The following ZMYM4 variants were observed in gnomAD, a reference collection of about 807,000 sequenced individuals.
The protein encoded by ZMYM4 is zinc finger MYM-type containing 4.
In ZMYM4, 31 loss-of-function variants were observed where a neutral mutation model predicts 183.2. The observed-to-expected ratio is 0.17, with a 90% confidence interval of 0.13 to 0.23. The LOEUF (loss-of-function observed/expected upper bound fraction) is 0.23, where lower values mean the gene tolerates loss of function less well. Among genes scored for constraint, ZMYM4 ranks in the 10% least tolerant of loss-of-function variants. The probability of loss-of-function intolerance (pLI) is 1.00; values close to 1 mark genes in which losing one functional copy is unlikely to be tolerated. For missense variants in ZMYM4, 1,273 were observed against 1,840.3 expected (o/e 0.69, Z 5.64); for synonymous variants, 592 against 631.2 (o/e 0.94, Z 0.93).
intron 2 of ZMYM4, among the ~76,000 whole-genome samples, chr1:35,348,758 C>T (rs761679428): frequency 1.2e-4 from 18 of 152,120 alleles, no homozygotes; most frequent in Non-Finnish European, 1.8e-4. Context: ...GTGTTTGTTC[C>T]CAAACTTTAT....
chr1:35,324,082 C>CT (rs144232828), intron 1 of ZMYM4, among the ~76,000 whole-genome samples: 433 of 151,080 alleles, frequency 2.9e-3, no homozygotes, highest in Non-Finnish European at 4.7e-3. Context: ...AGGATGTATC[C>CT]TTTTTTTTTG....
Position 35,381,141 on chromosome 1 carries a change from T to C in ZMYM4, c.1182-118T>C. On this transcript the variant is annotated intron_variant, in intron 7 of 29. Coordinates refer to ENST00000314607, the MANE Select transcript of ZMYM4 (RefSeq NM_005095.3). Reference sequence around the variant, plus strand: ...GAAAATTAAAGTTTTTAAACTTAAATTCCAGTGTTATTTCCCTACAGTATA... The same window carrying C: ...GAAAATTAAAGTTTTTAAACTTAAACTCCAGTGTTATTTCCCTACAGTATA... 3 of 811,062 alleles carry C rather than the reference T, an allele frequency of 3.7e-6. No individual in the cohort carries two copies. The South Asian group carries it at 9.2e-5, about 25-fold the overall frequency. The allele number at this position is 811,062 out of a possible 1,614,324, so 50.2% of individuals were successfully genotyped here. A position where few individuals can be genotyped will look rare whatever the true frequency, so the allele number is the denominator to read the frequency against.
chr1:35,381,260 G>T lies in ZMYM4; in HGVS notation c.1183G>T (p.Asp395Tyr). The T allele has an allele frequency of 6.4e-7, 1 of 1,568,346 alleles. No homozygotes were observed. The highest frequency in any genetic ancestry group is 1.2e-5 in the South Asian group (1 of 84,264). Reference sequence around the variant, plus strand: ...ATGTTATTTTTTTCTTATTTTTAGAGACATTTTAAATCCAAAGGATGTGAT... The same window carrying T: ...ATGTTATTTTTTTCTTATTTTTAGATACATTTTAAATCCAAAGGATGTGAT... Reference protein sequence around the residue: ...TKKTCSSCSKDILNPKDVISA... With the variant: ...TKKTCSSCSKYILNPKDVISA... Residue 395 changes from aspartate to tyrosine, a missense_variant and splice_region_variant, in exon 8 of 30, where the codon GAC (aspartate) becomes TAC (tyrosine). Asp to Tyr is a radical substitution (Grantham distance 160). This residue lies in a region of ZMYM4 where 384 missense variants were observed against 465.6 expected (regional missense o/e 0.82). Transcript: ENST00000314607.
chr1:35,386,815 GTTATT>G (rs1283694482), intron 11 of ZMYM4, among the ~76,000 whole-genome samples, 183 bp from the exon 12 acceptor site: 1 of 152,114 alleles, frequency 6.6e-6, no homozygotes, highest in African/African-American at 2.4e-5. Context: ...TATTAGTTAA[GTTATT>G]TTATTTTTTC....
intron 1 of ZMYM4, among the ~76,000 whole-genome samples, chr1:35,319,117 T>G (rs1369615854): frequency 6.6e-6 from 1 of 152,120 alleles, no homozygotes; most frequent in Non-Finnish European, 1.5e-5. Flanking sequence ...CGACCTCAGG[T>G]GATCAGCCCG....
intron 3 of ZMYM4, among the ~76,000 whole-genome samples, chr1:35,359,823 G>T (rs1258205206): frequency 6.6e-6 from 1 of 151,848 alleles, no homozygotes; most frequent in East Asian, 1.9e-4. Flanking sequence ...GTCCAAATTA[G>T]GGAGTTATTT....
At chr1:35,270,007 A>G (rs1639517081) in intron 1 of ZMYM4, among the ~76,000 whole-genome samples, 1 of 152,230 alleles carries the variant, frequency 6.6e-6, no homozygotes, top group Non-Finnish European at 1.5e-5. Context: ...AAAAATTACT[A>G]CTTTATGAAG....
intron 2 of ZMYM4, among the ~76,000 whole-genome samples, chr1:35,348,777 G>T (rs1024386655): frequency 2.6e-5 from 4 of 152,180 alleles, no homozygotes; most frequent in African/African-American, 9.6e-5. Context: ...ATTAATACTT[G>T]CCATTGTAAT....
Position 35,372,599 on chromosome 1 carries a change from TAC to T in ZMYM4, c.1181+1980_1181+1981del, listed in dbSNP as rs1195157102. 4.6e-5 allele frequency among the ~76,000 whole-genome samples: 7 copies of T among 152,322 alleles called. 1 individual carries two copies. Among genetic ancestry groups the T allele is most frequent in the Admixed American group, 3.3e-4 (5 of 15,308 alleles). ...AGGCATCGCACAGTGTGTATGTGTA[TAC>T]ACACACAGACACACACACACAGGTT... On this transcript the variant is annotated intron_variant, in intron 7 of 29. Coordinates refer to ENST00000314607, the MANE Select transcript of ZMYM4 (RefSeq NM_005095.3).
chr1:35,416,199 A>G (rs1640107667), intron 28 of ZMYM4, among the ~76,000 whole-genome samples: 1 of 152,244 alleles, frequency 6.6e-6, no homozygotes, highest in East Asian at 1.9e-4. Context: ...GAATAATAGC[A>G]GTGACAATTT....
At chr1:35,396,472 T>TA in intron 18 of ZMYM4, 80 bp from the exon 19 acceptor site, 2 of 1,573,406 alleles carry the variant, frequency 1.3e-6, no homozygotes, top group Non-Finnish European at 1.7e-6. Context: ...TAAACCTCCA[T>TA]AAGCTTTTTT....
intron 1 of ZMYM4, among the ~76,000 whole-genome samples, chr1:35,280,822 C>T (rs956239190): frequency 3.3e-5 from 5 of 152,098 alleles, no homozygotes; most frequent in African/African-American, 1.2e-4. Flanking sequence ...TCAGGATGAT[C>T]TCATTTCAAG....
At chr1:35,396,440 A>G (rs1325147955) in intron 18 of ZMYM4, 112 bp from the exon 19 acceptor site, 9 of 1,441,952 alleles carry the variant, frequency 6.2e-6, no homozygotes, top group Non-Finnish European at 8.4e-6. Context: ...GTAGTGTCAT[A>G]GGTTACTCTT....
In ZMYM4 at chr1:35,371,658, A is replaced by G. The variant is rs550523049; in HGVS notation, c.1181+1031A>G. Among the ~76,000 whole-genome samples the G allele has an allele frequency of 3.3e-4, 50 of 152,316 alleles. No homozygotes were observed. The South Asian group carries it at 0.01, about 32-fold the overall frequency. On this transcript the variant is annotated intron_variant, in intron 7 of 29. Transcript: ENST00000314607. The stretch of plus-strand genomic sequence containing the variant: ...CAAACCATGATTCATTTATTACTTT[A>G]GGCGGTAATGTTTATAGTTCCTCAC...
At chr1:35,379,505 G>A (rs1342938491) in intron 7 of ZMYM4, among the ~76,000 whole-genome samples, 1 of 152,224 alleles carries the variant, frequency 6.6e-6, no homozygotes, top group Non-Finnish European at 1.5e-5. Flanking sequence ...CAAAGTGCTG[G>A]CATTACAGGC....
chr1:35,283,598 A>G (rs1001128594), intron 1 of ZMYM4, among the ~76,000 whole-genome samples: 4 of 151,860 alleles, frequency 2.6e-5, no homozygotes, highest in African/African-American at 9.7e-5. Flanking sequence ...CGGCCTCCCA[A>G]AGTGCTGGGA....
chr1:35,372,909 G>C (rs1227169184), intron 7 of ZMYM4, among the ~76,000 whole-genome samples: 2 of 152,184 alleles, frequency 1.3e-5, no homozygotes, highest in Non-Finnish European at 2.9e-5. Flanking sequence ...GGTAATCCCA[G>C]CACTTTGGGA....
chr1:35,354,810 TA>T lies in ZMYM4; in HGVS notation c.86-4113del, dbSNP rs1349183953. 3.3e-5 allele frequency among the ~76,000 whole-genome samples: 5 copies of T among 149,346 alleles called. No homozygotes were observed. In the East Asian group the frequency reaches 9.8e-4, roughly 29 times the overall value. ...TATTCAAAGTATCAAAAACATTGCC[TA>T]ATTGCTCTTTATTAGTTTTGTACCA... On this transcript the variant is annotated intron_variant, in intron 2 of 29. Transcript: ENST00000314607.
chr1:35,359,398 C>A lies in ZMYM4; in HGVS notation c.559C>A (p.His187Asn), dbSNP rs777118291. 5.1e-6 allele frequency: 8 copies of A among 1,580,700 alleles called. No individual in the cohort carries two copies. The highest frequency in any genetic ancestry group is 1.4e-5 in the African/African-American group (1 of 72,612). ...ACGTGAAAAACGGTTGGATAAACCCCATAAAGATTTGGATTCAAGGTTGAA... is the reference window on the plus strand; with the variant it reads ...ACGTGAAAAACGGTTGGATAAACCCAATAAAGATTTGGATTCAAGGTTGAA... The part of the protein sequence containing the change: ...YEREKRLDKP[H>N]KDLDSRLKSS... Residue 187 changes from histidine (H) to asparagine (N), a missense_variant, in exon 3 of 30, where the codon CAT (histidine) becomes AAT (asparagine). Coordinates refer to ENST00000314607, the MANE Select transcript of ZMYM4 (RefSeq NM_005095.3).
Sources: allele counts gnomAD v4.1 joint callset (sites outside exome capture counted in the v4.1 genomes callset), GRCh38; gene constraint gnomAD v4.1.1; regional missense constraint gnomAD v4.1.1; transcripts MANE v1.5; gene names NCBI Gene and HGNC (gene_info 2026-07-23, HGNC 2026-07-21).